ADGRG7: variants seen among roughly 807,000 people sequenced by gnomAD.
ADGRG7 encodes the protein adhesion G protein-coupled receptor G7.
A neutral mutation model predicts 88.6 loss-of-function variants in ADGRG7; 82 were observed. That is an observed-to-expected ratio of 0.93 (90% confidence interval 0.77 to 1.11). ADGRG7 has a LOEUF of 1.11. Among genes scored for constraint, ADGRG7 ranks in the 50% most tolerant of loss-of-function variants. The probability of loss-of-function intolerance (pLI) is 0.00; values close to 1 mark genes in which losing one functional copy is unlikely to be tolerated. For missense variants in ADGRG7, 945 were observed against 953.4 expected (o/e 0.99, Z 0.12); for synonymous variants, 381 against 345.2 (o/e 1.10, Z -1.15).
intron 1 of ADGRG7, among the ~76,000 whole-genome samples, chr3:100,611,547 C>T (rs1026373913): frequency 6.6e-6 from 1 of 152,070 alleles, no homozygotes; most frequent in Non-Finnish European, 1.5e-5. Context: ...AAAATATATT[C>T]CCGAACTTTC....
chr3:100,636,368 G>T (rs762631012), intron 5 of ADGRG7, among the ~76,000 whole-genome samples: 2 of 152,188 alleles, frequency 1.3e-5, no homozygotes, highest in African/African-American at 4.8e-5. Context: ...TGGAACATGT[G>T]ATTTTAAACT....
chr3:100,659,309 G>T (rs1013155210), intron 13 of ADGRG7, among the ~76,000 whole-genome samples: 1 of 151,390 alleles, frequency 6.6e-6, no homozygotes, highest in East Asian at 1.9e-4. Context: ...GCGTGGTGGC[G>T]GGTGCCTGTA....
At chr3:100,673,173 G>A (rs1453090515) in intron 15 of ADGRG7, among the ~76,000 whole-genome samples, 2 of 152,144 alleles carry the variant, frequency 1.3e-5, no homozygotes, top group African/African-American at 4.8e-5. Context: ...GAATTTGGCT[G>A]TGAATCCCTC....
chr3:100,618,428 T>C (rs1276731562), intron 1 of ADGRG7, among the ~76,000 whole-genome samples: 1 of 152,226 alleles, frequency 6.6e-6, no homozygotes, highest in Non-Finnish European at 1.5e-5. Flanking sequence ...TTCAGCTTTC[T>C]ACATTCGGCT....
chr3:100,675,490 G>GT (rs1402337069), intron 15 of ADGRG7, among the ~76,000 whole-genome samples: 1 of 152,054 alleles, frequency 6.6e-6, no homozygotes, highest in African/African-American at 2.4e-5. Context: ...GCTGAATTTG[G>GT]TTTTTTAGAA....
chr3:100,669,035 TG>T lies in ADGRG7; in HGVS notation c.2067del (p.Met690CysfsTer2). ...VFGITWILAY[L>X]MLVNDDSIRI... is the part of the protein sequence containing the mutation. ...GGAATTACCTGGATTCTAGCATACCTGATGCTAGTTAATGATGATAGCATCA... is the reference window on the plus strand; with the variant it reads ...GGAATTACCTGGATTCTAGCATACCTATGCTAGTTAATGATGATAGCATCA... On this transcript the variant is annotated frameshift_variant, in exon 15 of 16. Transcript: ENST00000273352. LOFTEE classifies it high-confidence loss of function. 6.2e-7 allele frequency: 1 copy of T among 1,602,052 alleles called. No homozygotes were observed. Among genetic ancestry groups the T allele is most frequent in the Non-Finnish European group, 8.5e-7 (1 of 1,172,566 alleles).
intron 5 of ADGRG7, among the ~76,000 whole-genome samples, chr3:100,636,552 C>A (rs1161150237): frequency 6.6e-6 from 1 of 152,088 alleles, no homozygotes; most frequent in East Asian, 1.9e-4. Context: ...CTACAAACCA[C>A]CAATATGGAC....
chr3:100,653,515 T>C (rs1437434448), intron 11 of ADGRG7, among the ~76,000 whole-genome samples: 1 of 152,248 alleles, frequency 6.6e-6, no homozygotes, highest in Non-Finnish European at 1.5e-5. Flanking sequence ...GGGCCTCTTC[T>C]ACAGATGGCC....
chr3:100,609,996 C>T (rs768486019), intron 1 of ADGRG7, 25 bp downstream of exon 1: 7 of 1,577,742 alleles, frequency 4.4e-6, no homozygotes, highest in Non-Finnish European at 5.2e-6. Flanking sequence ...CTATGTTTAA[C>T]TCAGAGTAAG....
intron 15 of ADGRG7, among the ~76,000 whole-genome samples, chr3:100,677,667 A>G (rs990966885): frequency 2.0e-5 from 3 of 152,064 alleles, no homozygotes; most frequent in African/African-American, 7.2e-5. Flanking sequence ...TTTCTCCTTC[A>G]TGTTTGAAGG....
chr3:100,650,156 A>G (rs905175131), intron 11 of ADGRG7, among the ~76,000 whole-genome samples: 1 of 152,236 alleles, frequency 6.6e-6, no homozygotes, highest in Admixed American at 6.5e-5. Context: ...GCAAACAGCA[A>G]TTTTTTAAAA....
intron 9 of ADGRG7, 120 bp downstream of exon 9, chr3:100,646,228 G>GGC: frequency 1.0e-5 from 2 of 199,616 alleles, no homozygotes; most frequent in South Asian, 4.8e-5. Flanking sequence ...GGGGGGGAGG[G>GGC]TTTTCCATGA....
At chr3:100,614,015 C>T (rs1448667765) in intron 1 of ADGRG7, among the ~76,000 whole-genome samples, 3 of 151,994 alleles carry the variant, frequency 2.0e-5, no homozygotes, top group Non-Finnish European at 4.4e-5. Context: ...AGTAGTAAAC[C>T]CATGAGGCTT....
chr3:100,655,812 G>A (rs1274871331), intron 12 of ADGRG7, 87 bp from the exon 13 acceptor site: 3 of 792,934 alleles, frequency 3.8e-6, no homozygotes, highest in African/African-American at 3.4e-5. Flanking sequence ...TCCTGAAGAG[G>A]GTCAGATGTA....
intron 1 of ADGRG7, among the ~76,000 whole-genome samples, chr3:100,628,771 G>T (rs1707417410): frequency 6.6e-6 from 1 of 152,104 alleles, no homozygotes; most frequent in Non-Finnish European, 1.5e-5. Context: ...TCTTTCTCAG[G>T]TATGCTTCCT....
chr3:100,638,547 A>G (rs1280408926), intron 6 of ADGRG7, among the ~76,000 whole-genome samples: 8 of 152,120 alleles, frequency 5.3e-5, no homozygotes, highest in Admixed American at 5.2e-4. Context: ...TGATTCGTAA[A>G]AAGACATTAT....
rs116054139 is a variant in ADGRG7 at position 100,641,949 on chromosome 3, G to T, written c.699-1317G>T. 6.9e-3 allele frequency among the ~76,000 whole-genome samples: 1,053 copies of T among 152,314 alleles called. 10 individuals carry two copies. Among genetic ancestry groups the T allele is most frequent in the African/African-American group, 0.013 (545 of 41,560 alleles). On this transcript the variant is annotated intron_variant, in intron 6 of 15. Transcript: ENST00000273352. ...GACTTATTTTAGTCAATTGTGCCAG[G>T]TGGATGACCACTTTCTGGATTGGCT...
At chr3:100,640,224 T>G (rs578062158) in intron 6 of ADGRG7, among the ~76,000 whole-genome samples, 2 of 152,342 alleles carry the variant, frequency 1.3e-5, no homozygotes, top group East Asian at 3.9e-4. Context: ...CTTTCCAAAC[T>G]CTATCTTCTG....
At chr3:100,646,472 A>T in intron 9 of ADGRG7, 97 bp from the exon 10 acceptor site, 2 of 901,948 alleles carry the variant, frequency 2.2e-6, no homozygotes, top group Non-Finnish European at 3.4e-6. Context: ...GTATATATTT[A>T]ATTCATTTCT....
Sources: gnomAD v4.1 joint callset for allele counts (sites outside exome capture counted in the v4.1 genomes callset) on GRCh38, gnomAD v4.1.1 for gene constraint, MANE v1.5 for transcripts, NCBI Gene and HGNC (gene_info 2026-07-23, HGNC 2026-07-21) for gene names.